The following EDIL3 variants were observed in gnomAD, a reference collection of about 807,000 sequenced individuals.
EDIL3 encodes EGF-like repeat and discoidin I-like domain-containing protein 3.
In EDIL3, 37 loss-of-function variants were observed where a neutral mutation model predicts 67.4. The ratio of observed to expected loss-of-function variants is 0.55; its 90% CI spans 0.42 to 0.72. The LOEUF is 0.72. Ranked by LOEUF, EDIL3 falls within the 30% of genes least tolerant of loss-of-function variation. EDIL3 has a pLI of 0.00. For synonymous variants in EDIL3, 195 were observed against 196.3 expected (o/e 0.99, Z 0.05); for missense variants, 527 against 586.3 (o/e 0.90, Z 1.04).
At chr5:84,058,954 G>A (rs1400070298) in intron 9 of EDIL3, among the ~76,000 whole-genome samples, 6 of 150,702 alleles carry the variant, frequency 4.0e-5, no homozygotes, top group African/African-American at 1.5e-4. Flanking sequence ...AACGGTAATA[G>A]GAGAAAGACT....
intron 1 of EDIL3, among the ~76,000 whole-genome samples, chr5:84,340,526 CTCTCTCTCTATATA>C (rs1331975921): frequency 7.0e-4 from 51 of 72,384 alleles, no homozygotes; most frequent in African/African-American, 1.9e-3. Flanking sequence ...CTCTCTCTCT[CTCTCTCTCTATATA>C]TATATATATA....
Position 84,133,464 on chromosome 5 carries a change from CAAAAAAAAAAA to C in EDIL3, c.469+3766_469+3776del, listed in dbSNP as rs5869210. Among the ~76,000 whole-genome samples the C allele has an allele frequency of 3.5e-5, 3 of 86,538 alleles. No homozygotes were observed. The South Asian group carries it at 1.2e-3, about 36-fold the overall frequency. The allele number at this position is 86,538 out of a possible 152,430, so 56.8% of individuals were successfully genotyped here. A position where few individuals can be genotyped will look rare whatever the true frequency, so the allele number is the denominator to read the frequency against. On this transcript the variant is annotated intron_variant, in intron 5 of 10. Transcript: ENST00000296591. ...TGAAACCCCATCTCTACTAAAAATA[CAAAAAAAAAAA>C]AAAAAAAAAAAATAGCCAGGAGTGG...
At chr5:83,965,643 G>T (rs1453069118) in intron 9 of EDIL3, among the ~76,000 whole-genome samples, 1 of 151,920 alleles carries the variant, frequency 6.6e-6, no homozygotes, top group Admixed American at 6.6e-5. Flanking sequence ...CTTTTCTGCG[G>T]TACTTTTAAA....
At chr5:84,002,422 T>C (rs1213695585) in intron 9 of EDIL3, among the ~76,000 whole-genome samples, 1 of 152,192 alleles carries the variant, frequency 6.6e-6, no homozygotes, top group African/African-American at 2.4e-5. Flanking sequence ...AACACAGTAC[T>C]AGCAGTCCTA....
intron 1 of EDIL3, among the ~76,000 whole-genome samples, chr5:84,285,902 G>A (rs1745798338): frequency 1.3e-5 from 2 of 152,158 alleles, no homozygotes; most frequent in Non-Finnish European, 2.9e-5. Context: ...TGCTTTATAT[G>A]GAAATGGGGA....
At chr5:83,950,701 C>T (rs548323923) in intron 10 of EDIL3, among the ~76,000 whole-genome samples, 12 of 151,920 alleles carry the variant, frequency 7.9e-5, no homozygotes, top group African/African-American at 2.9e-4. Context: ...TGGGCATAAA[C>T]CTAATAAGCA....
chr5:84,353,698 G>A (rs1747411781), intron 1 of EDIL3, among the ~76,000 whole-genome samples: 1 of 152,184 alleles, frequency 6.6e-6, no homozygotes. Context: ...CCACTTCAGT[G>A]ATGAGTCTGA....
intron 10 of EDIL3, among the ~76,000 whole-genome samples, chr5:83,955,461 T>C (rs1286629533): frequency 6.6e-6 from 1 of 151,746 alleles, no homozygotes; most frequent in Admixed American, 6.6e-5. Context: ...TTTCAAACTT[T>C]AAGGGAGTTT....
chr5:83,994,713 G>GAT (rs1172967806), intron 9 of EDIL3, among the ~76,000 whole-genome samples: 10 of 152,080 alleles, frequency 6.6e-5, no homozygotes, highest in Non-Finnish European at 1.2e-4. Context: ...AGAAAACATG[G>GAT]ATATACTAGG....
intron 9 of EDIL3, among the ~76,000 whole-genome samples, chr5:84,009,935 C>T (rs529466276): frequency 6.6e-6 from 1 of 152,318 alleles, no homozygotes; most frequent in Admixed American, 6.5e-5. Context: ...AAGTTGCCTG[C>T]AAAAGTTCTT....
intron 5 of EDIL3, among the ~76,000 whole-genome samples, chr5:84,116,191 CAA>C (rs71605896): frequency 1.6e-4 from 19 of 116,318 alleles, no homozygotes; most frequent in Admixed American, 1.8e-4. Flanking sequence ...TTCCAGAGGT[CAA>C]AAAAAAAAAA....
intron 5 of EDIL3, among the ~76,000 whole-genome samples, chr5:84,113,365 C>A (rs1245700327): frequency 6.6e-6 from 1 of 152,146 alleles, no homozygotes; most frequent in African/African-American, 2.4e-5. Context: ...AAAATAATTA[C>A]ACTGCCTGAA....
chr5:84,356,719 C>A (rs1747490112), intron 1 of EDIL3, among the ~76,000 whole-genome samples: 1 of 152,080 alleles, frequency 6.6e-6, no homozygotes, highest in African/African-American at 2.4e-5. Flanking sequence ...GACCATTTTT[C>A]TGCCTACCAC....
chr5:84,048,680 T>C (rs747799730), intron 9 of EDIL3, among the ~76,000 whole-genome samples: 3 of 152,020 alleles, frequency 2.0e-5, no homozygotes, highest in Non-Finnish European at 4.4e-5. Context: ...GAAAAACGTT[T>C]AGTAGATTTA....
chr5:84,230,763 ATGTGTGTG>A (rs59552122), intron 2 of EDIL3, among the ~76,000 whole-genome samples: 5 of 137,130 alleles, frequency 3.6e-5, no homozygotes, highest in East Asian at 4.6e-4. Context: ...CCACTACGTG[ATGTGTGTG>A]TGTGTGTGTG....
chr5:84,366,264 C>T (rs1348541950), intron 1 of EDIL3, among the ~76,000 whole-genome samples: 2 of 152,172 alleles, frequency 1.3e-5, no homozygotes, highest in African/African-American at 4.8e-5. Context: ...CCACCGTCAC[C>T]ATCACCATCA....
chr5:84,105,743 T>C (rs1747448231), intron 6 of EDIL3, among the ~76,000 whole-genome samples: 1 of 5,958 alleles, frequency 1.7e-4, no homozygotes, highest in African/African-American at 3.1e-3. Flanking sequence ...TAGTCATGAT[T>C]TTCTACAATA....
At chr5:84,383,916 C>A (rs1403845017) in intron 1 of EDIL3, among the ~76,000 whole-genome samples, 3 of 152,148 alleles carry the variant, frequency 2.0e-5, no homozygotes, top group Non-Finnish European at 4.4e-5. Context: ...ACTGGCTTCC[C>A]CCGCTCCCGC....
intron 9 of EDIL3, among the ~76,000 whole-genome samples, chr5:83,983,742 CTTTTTTT>C (rs550782079): frequency 7.9e-6 from 1 of 126,932 alleles, no homozygotes; most frequent in East Asian, 2.3e-4. Context: ...CAGGGACTTT[CTTTTTTT>C]TTTTTTTTTT....
Sources: gnomAD v4.1 joint callset for allele counts (sites outside exome capture counted in the v4.1 genomes callset) on GRCh38, gnomAD v4.1.1 for gene constraint, MANE v1.5 for transcripts, NCBI Gene and HGNC (gene_info 2026-07-23, HGNC 2026-07-21) for gene names.